Variants in DLG1 observed in about 807,000 individuals in gnomAD.
DLG1 encodes disks large homolog 1.
A neutral mutation model predicts 123.4 loss-of-function variants in DLG1; 42 were observed. That is an observed-to-expected ratio of 0.34 (90% CI 0.27 to 0.44). The LOEUF is 0.44. Ranked by LOEUF, DLG1 falls within the 20% of genes least tolerant of loss-of-function variation. DLG1 has a pLI of 1.00. For synonymous variants in DLG1, 317 were observed against 356.2 expected (o/e 0.89, Z 1.24); for missense variants, 942 against 1,082.6 (o/e 0.87, Z 1.82).
At chr3:197,279,500 C>A (rs1207541166) in intron 4 of DLG1, among the ~76,000 whole-genome samples, 1 of 152,194 alleles carries the variant, frequency 6.6e-6, no homozygotes, top group East Asian at 1.9e-4. Context: ...AACATTACTA[C>A]AGCATTTTCC....
intron 5 of DLG1, among the ~76,000 whole-genome samples, chr3:197,169,614 T>C (rs559769025): frequency 6.6e-6 from 1 of 152,336 alleles, no homozygotes; most frequent in East Asian, 1.9e-4. Flanking sequence ...TAAAATGACT[T>C]TCATAGCATA....
chr3:197,246,179 G>A (rs576276949), intron 4 of DLG1, among the ~76,000 whole-genome samples: 173 of 152,206 alleles, frequency 1.1e-3, no homozygotes, highest in African/African-American at 3.3e-3. Flanking sequence ...CTTCCCCATC[G>A]ACCACTGAAT....
chr3:197,053,382 A>C (rs1196951879), intron 23 of DLG1, among the ~76,000 whole-genome samples: 1 of 151,968 alleles, frequency 6.6e-6, no homozygotes, highest in African/African-American at 2.4e-5. Flanking sequence ...TGAAGAATAG[A>C]TTTGCCAGAT....
chr3:197,238,126 G>C (rs1163840485), intron 4 of DLG1, among the ~76,000 whole-genome samples: 1 of 152,148 alleles, frequency 6.6e-6, no homozygotes, highest in African/African-American at 2.4e-5. Flanking sequence ...CCTCCACTAA[G>C]CAGTAAGGAA....
At chr3:197,067,551 G>GATTTT (rs754603919) in intron 19 of DLG1, among the ~76,000 whole-genome samples, 1 of 107,378 alleles carries the variant, frequency 9.3e-6, no homozygotes, top group African/African-American at 4.0e-5. Context: ...AACTCTGAGA[G>GATTTT]TTTTTTTTTT....
intron 4 of DLG1, among the ~76,000 whole-genome samples, chr3:197,213,636 TCAA>T (rs561357064): frequency 1.5e-4 from 23 of 152,098 alleles, no homozygotes; most frequent in Non-Finnish European, 2.4e-4. Context: ...TCCAAAAGCA[TCAA>T]CAACAACAAA....
At chr3:197,159,941 C>T (rs542357507) in intron 5 of DLG1, among the ~76,000 whole-genome samples, 7 of 152,174 alleles carry the variant, frequency 4.6e-5, no homozygotes, top group Admixed American at 2.0e-4. Context: ...AAAATATGGG[C>T]GGCTAAGATT....
At chr3:197,066,225 G>A (rs1243977543) in intron 20 of DLG1, among the ~76,000 whole-genome samples, 1 of 152,146 alleles carries the variant, frequency 6.6e-6, no homozygotes, top group Non-Finnish European at 1.5e-5. Context: ...TGATCTAACA[G>A]AAGTGTAAAC....
chr3:197,178,153 G>C (rs1808154970), intron 5 of DLG1, among the ~76,000 whole-genome samples: 1 of 152,178 alleles, frequency 6.6e-6, no homozygotes, highest in Non-Finnish European at 1.5e-5. Flanking sequence ...GTAATGTCTG[G>C]AGTGAAGGGG....
intron 4 of DLG1, among the ~76,000 whole-genome samples, chr3:197,273,441 T>C (rs938165464): frequency 1.3e-5 from 2 of 151,962 alleles, no homozygotes; most frequent in Non-Finnish European, 2.9e-5. Flanking sequence ...TTTCACCATG[T>C]TGGCCAGGCT....
chr3:197,282,739 G>A lies in DLG1; in HGVS notation c.258C>T (p.Ser86=), dbSNP rs1396403765. The part of the protein sequence containing the change: ...IQPVNTWEIS[S]LPSSTVTSET... ...CTGAAGTCACAGTAGAGCTTGGAAGGCTGGAAATCTCCCAAGTATTCACAG... is the reference window on the plus strand; with the variant it reads ...CTGAAGTCACAGTAGAGCTTGGAAGACTGGAAATCTCCCAAGTATTCACAG... Residue 86 remains serine (S), a synonymous_variant, in exon 4 of 25, where the codon AGC becomes AGT. Coordinates refer to ENST00000667157, the MANE Select transcript of DLG1 (RefSeq NM_001366207.1). 3 of 1,612,448 alleles carry A rather than the reference G, an allele frequency of 1.9e-6. No individual in the cohort carries two copies. The highest frequency in any genetic ancestry group is 2.5e-6 in the Non-Finnish European group (3 of 1,179,216).
intron 4 of DLG1, among the ~76,000 whole-genome samples, chr3:197,229,912 A>C (rs1038386941): frequency 1.3e-5 from 2 of 152,250 alleles, no homozygotes; most frequent in African/African-American, 4.8e-5. Context: ...TTGATAAATG[A>C]GAGAAACTCA....
intron 1 of DLG1, chr3:197,297,872 GGCCCCGCTCCACGTACCCCC>G: frequency 3.0e-6 from 3 of 985,202 alleles, no homozygotes; most frequent in Non-Finnish European, 3.6e-6. Flanking sequence ...TCCCCAGCCC[GGCCCCGCTCCACGTACCCCC>G]GCCCCGCCCG....
At chr3:197,288,718 T>TTAAAAAAAAAAAAAAAA (rs1560171604) in intron 3 of DLG1, among the ~76,000 whole-genome samples, 1 of 30,420 alleles carries the variant, frequency 3.3e-5, no homozygotes, top group Non-Finnish European at 5.3e-5. Context: ...TGAAACTGTC[T>TTAAAAAAAAAAAAAAAA]CAAAAAAAAA....
intron 16 of DLG1, among the ~76,000 whole-genome samples, chr3:197,083,016 C>T (rs530674432): frequency 1.3e-5 from 2 of 152,154 alleles, no homozygotes; most frequent in Non-Finnish European, 2.9e-5. Context: ...TCTACTGACT[C>T]AACAAGGCAT....
chr3:197,153,097 T>C (rs1794754700), intron 5 of DLG1, among the ~76,000 whole-genome samples: 1 of 152,210 alleles, frequency 6.6e-6, no homozygotes, highest in Admixed American at 6.5e-5. Context: ...GAACAAGTGC[T>C]TTACAAGTGC....
At chr3:197,255,774 T>TA (rs35788077) in intron 4 of DLG1, among the ~76,000 whole-genome samples, 46 of 149,220 alleles carry the variant, frequency 3.1e-4, no homozygotes, top group South Asian at 6.4e-4. Flanking sequence ...TGATATGAGT[T>TA]AAAAAAAAAA....
intron 5 of DLG1, among the ~76,000 whole-genome samples, chr3:197,155,037 T>A (rs1451922967): frequency 6.6e-6 from 1 of 151,992 alleles, no homozygotes; most frequent in Non-Finnish European, 1.5e-5. Context: ...AGCCAAAACT[T>A]CTCAGATTTC....
At chr3:197,221,342 A>C (rs1477368110) in intron 4 of DLG1, among the ~76,000 whole-genome samples, 1 of 152,002 alleles carries the variant, frequency 6.6e-6, no homozygotes, top group African/African-American at 2.4e-5. Flanking sequence ...ACTTGATTGA[A>C]ACCCCATCTC....
Sources: allele counts gnomAD v4.1 joint callset (sites outside exome capture counted in the v4.1 genomes callset), GRCh38; gene constraint gnomAD v4.1.1; transcripts MANE v1.5; gene names NCBI Gene and HGNC (gene_info 2026-07-23, HGNC 2026-07-21).